The following LSAMP variants were observed in gnomAD, a reference collection of about 807,000 sequenced individuals.
LSAMP encodes the protein limbic system associated membrane protein, also known as limbic system-associated membrane protein.
Under a neutral mutation model 38.6 loss-of-function variants are expected in LSAMP, and 7 were observed. That is an observed-to-expected ratio of 0.18 (90% confidence interval 0.10 to 0.34). The LOEUF is 0.34. Ranked by LOEUF, LSAMP falls within the 10% of genes least tolerant of loss-of-function variation. The pLI is 1.00. For missense variants in LSAMP, 313 were observed against 420.0 expected (o/e 0.75, Z 2.23); for synonymous variants, 154 against 166.8 (o/e 0.92, Z 0.59).
At chr3:116,021,938 A>C (rs1311181702) in intron 2 of LSAMP, among the ~76,000 whole-genome samples, 8 of 152,160 alleles carry the variant, frequency 5.3e-5, no homozygotes, top group Admixed American at 3.9e-4. Context: ...ATCTAGAATA[A>C]TTGACTACAG....
chr3:116,012,493 C>A (rs1369800884), intron 3 of LSAMP, among the ~76,000 whole-genome samples: 1 of 152,154 alleles, frequency 6.6e-6, no homozygotes, highest in Non-Finnish European at 1.5e-5. Context: ...GGAAAACTAT[C>A]TTCTCAGGTG....
chr3:116,079,189 T>C (rs368236314), intron 2 of LSAMP, among the ~76,000 whole-genome samples: 34 of 152,334 alleles, frequency 2.2e-4, no homozygotes, highest in Middle Eastern at 6.8e-3. Context: ...TTCTCTTCAA[T>C]GTAGCCAAGG....
chr3:116,367,405 T>G (rs2048368540), intron 1 of LSAMP, among the ~76,000 whole-genome samples: 1 of 152,104 alleles, frequency 6.6e-6, no homozygotes. Context: ...CTTTTATAAT[T>G]TATCAGATGT....
chr3:116,263,279 T>A (rs560483665), intron 1 of LSAMP, among the ~76,000 whole-genome samples: 1 of 152,282 alleles, frequency 6.6e-6, no homozygotes, highest in South Asian at 2.1e-4. Context: ...GGCTCATGCC[T>A]GTAATCCCAG....
chr3:116,114,971 T>C (rs1466969228), intron 1 of LSAMP, among the ~76,000 whole-genome samples: 1 of 152,220 alleles, frequency 6.6e-6, no homozygotes, highest in Non-Finnish European at 1.5e-5. Flanking sequence ...CAAATGTAGA[T>C]GCTTTTCAAT....
At chr3:116,109,018 A>C (rs1157747609) in intron 1 of LSAMP, among the ~76,000 whole-genome samples, 11 of 152,044 alleles carry the variant, frequency 7.2e-5, no homozygotes, top group South Asian at 4.2e-4. Flanking sequence ...TTGGGTAATA[A>C]AATGTATATT....
intron 1 of LSAMP, among the ~76,000 whole-genome samples, chr3:116,248,477 A>G (rs1038668388): frequency 2.1e-4 from 29 of 140,978 alleles, no homozygotes; most frequent in Admixed American, 1.5e-3. Flanking sequence ...CCTGTCTCTA[A>G]TGTGTGTGTG....
chr3:116,072,608 G>T (rs140070506), intron 2 of LSAMP, among the ~76,000 whole-genome samples: 4 of 151,924 alleles, frequency 2.6e-5, no homozygotes, highest in South Asian at 4.1e-4. Flanking sequence ...GTGTGAGACG[G>T]TATTTCATTG....
chr3:116,017,886 T>C (rs933538607), intron 3 of LSAMP, among the ~76,000 whole-genome samples: 8 of 152,140 alleles, frequency 5.3e-5, no homozygotes, highest in Admixed American at 5.2e-4. Context: ...TATGAGCCAA[T>C]AGCTTCTATA....
intron 3 of LSAMP, among the ~76,000 whole-genome samples, chr3:115,950,103 T>C (rs1397510626): frequency 1.3e-5 from 2 of 152,112 alleles, no homozygotes; most frequent in African/African-American, 4.8e-5. Flanking sequence ...AATAGTTATC[T>C]ATGACAAACC....
chr3:116,402,544 T>A (rs979868855), intron 1 of LSAMP, among the ~76,000 whole-genome samples: 1 of 152,090 alleles, frequency 6.6e-6, no homozygotes, highest in African/African-American at 2.4e-5. Context: ...ACAGACATAA[T>A]TATAACCCTA....
At chr3:116,189,338 G>T (rs1710699205) in intron 1 of LSAMP, among the ~76,000 whole-genome samples, 1 of 152,122 alleles carries the variant, frequency 6.6e-6, no homozygotes, top group Non-Finnish European at 1.5e-5. Context: ...AAGAAACCCT[G>T]CATAGATACA....
At chr3:116,380,976 C>T (rs942701106) in intron 1 of LSAMP, among the ~76,000 whole-genome samples, 3 of 151,942 alleles carry the variant, frequency 2.0e-5, no homozygotes, top group Admixed American at 1.3e-4. Flanking sequence ...ATATTCCTTA[C>T]AGGTATATAA....
At position 116,011,994 on chromosome 3, in the gene LSAMP, T is replaced by A. The variant is rs115500658; in HGVS notation, c.514+7521A>T. ...TGGAATAGATAGATCTTAGCTGACA[T>A]CCATAAACAACATTGGAAAGTCCAT... On this transcript the variant is annotated intron_variant, in intron 3 of 6. Transcript: ENST00000490035. Among the ~76,000 whole-genome samples, 1,170 of 152,246 alleles carry A rather than the reference T, an allele frequency of 7.7e-3. 16 individuals carry two copies. The highest frequency in any genetic ancestry group is 0.027 in the African/African-American group (1,116 of 41,552).
chr3:116,172,386 C>A (rs1014024970), intron 1 of LSAMP, among the ~76,000 whole-genome samples: 3 of 145,230 alleles, frequency 2.1e-5, no homozygotes, highest in African/African-American at 7.6e-5. Context: ...CTGTTAAGTT[C>A]TTTTACCGTA....
intron 1 of LSAMP, among the ~76,000 whole-genome samples, chr3:116,110,031 A>G (rs1337016120): frequency 1.3e-5 from 2 of 151,870 alleles, no homozygotes; most frequent in Middle Eastern, 6.3e-3. Context: ...ATTGGGGCAC[A>G]GAGATAAGAG....
intron 3 of LSAMP, among the ~76,000 whole-genome samples, chr3:116,010,405 C>T (rs775126709): frequency 6.6e-6 from 1 of 152,178 alleles, no homozygotes; most frequent in Non-Finnish European, 1.5e-5. Context: ...ATTTATTGAA[C>T]ACTTAGTCTG....
chr3:116,384,628 T>C (rs903986142), intron 1 of LSAMP, among the ~76,000 whole-genome samples: 9 of 152,240 alleles, frequency 5.9e-5, no homozygotes, highest in African/African-American at 2.2e-4. Flanking sequence ...TTACTCCCAA[T>C]ATTGATGACA....
intron 1 of LSAMP, among the ~76,000 whole-genome samples, chr3:116,437,918 T>G (rs1281083850): frequency 6.6e-6 from 1 of 152,144 alleles, no homozygotes; most frequent in East Asian, 1.9e-4. Context: ...GATGGTGGAC[T>G]GCCTAATCTC....
Sources: gnomAD v4.1 joint callset for allele counts (sites outside exome capture counted in the v4.1 genomes callset) on GRCh38, gnomAD v4.1.1 for gene constraint, MANE v1.5 for transcripts, NCBI Gene and HGNC (gene_info 2026-07-23, HGNC 2026-07-21) for gene names.